OPCML: variants seen among roughly 807,000 people sequenced by gnomAD.
The protein encoded by OPCML is opioid-binding protein/cell adhesion molecule.
OPCML carries 13 observed loss-of-function variants against 37.8 expected under a neutral mutation model. The observed-to-expected ratio is 0.34, with a 90% CI of 0.22 to 0.55. The LOEUF (loss-of-function observed/expected upper bound fraction) is 0.55. Among genes scored for constraint, OPCML ranks in the 20% least tolerant of loss-of-function variants. OPCML has a pLI of 0.91. For synonymous variants in OPCML, 176 were observed against 168.8 expected (o/e 1.04, Z -0.33); for missense variants, 341 against 435.6 (o/e 0.78, Z 1.93).
intron 1 of OPCML, among the ~76,000 whole-genome samples, chr11:133,048,552 T>G (rs1479555472): frequency 6.6e-6 from 1 of 152,248 alleles, no homozygotes; most frequent in Admixed American, 6.5e-5. Context: ...ATTAATCTTG[T>G]GACTTTGTGT....
chr11:132,803,630 C>T (rs928645195), intron 2 of OPCML, among the ~76,000 whole-genome samples: 4 of 152,300 alleles, frequency 2.6e-5, no homozygotes, highest in Admixed American at 6.5e-5. Context: ...CACTAATGAG[C>T]GAGGATGTGC....
chr11:133,323,897 C>T (rs577217342), intron 1 of OPCML, among the ~76,000 whole-genome samples: 4 of 152,314 alleles, frequency 2.6e-5, no homozygotes, highest in African/African-American at 9.6e-5. Context: ...GGCTTGGTCT[C>T]TCCAATTCAG....
intron 1 of OPCML, among the ~76,000 whole-genome samples, chr11:133,030,126 T>C (rs752489234): frequency 6.6e-6 from 1 of 152,182 alleles, no homozygotes; most frequent in Non-Finnish European, 1.5e-5. Context: ...TCCCAGAAAC[T>C]GTTCCCTAGT....
chr11:132,603,631 A>C (rs1387858974), intron 3 of OPCML, among the ~76,000 whole-genome samples: 2 of 152,334 alleles, frequency 1.3e-5, no homozygotes, highest in South Asian at 4.1e-4. Context: ...CCCAGCTTAA[A>C]AACCTTTTGG....
intron 2 of OPCML, among the ~76,000 whole-genome samples, chr11:132,866,481 G>T (rs899211851): frequency 1.3e-5 from 2 of 152,198 alleles, no homozygotes; most frequent in Non-Finnish European, 2.9e-5. Flanking sequence ...TGGAAGTCTT[G>T]TTAGTTTTTT....
chr11:132,942,946 C>T lies in OPCML; in HGVS notation c.126G>A (p.Gln42=). The T allele has an allele frequency of 6.2e-7, 1 of 1,614,138 alleles. No individual in the cohort carries two copies. The highest frequency in any genetic ancestry group is 8.5e-7 in the Non-Finnish European group (1 of 1,179,992). The change falls in exon 2 of 8, where the codon CAG becomes CAA. Residue 42 remains glutamine, a synonymous_variant. Transcript: ENST00000524381. ...PKAMDNVTVR[Q]GESATLRCTI... ...CCTACCTGAGGGTGGCGCTCTCCCC[C>T]TGCCGGACCGTCACGTTGTCCATAG...
rs1040317930 is a variant in OPCML, at chr11:132,660,147, C to T, written c.147-2828G>A. ...TAGCTTTTAATAAGAGGGATAGGCC[C>T]CTTTTTTTAAATGCCGTAGATAAAT... is the stretch of plus-strand genomic sequence containing the variant. On this transcript the variant is annotated intron_variant, in intron 2 of 7. Coordinates refer to ENST00000524381, the MANE Select transcript of OPCML (RefSeq NM_001012393.5). 3.9e-5 allele frequency among the ~76,000 whole-genome samples: 6 copies of T among 152,088 alleles called. No individual in the cohort carries two copies. The East Asian group carries it at 5.8e-4, about 15-fold the overall frequency.
At chr11:132,888,368 C>T (rs996336874) in intron 2 of OPCML, among the ~76,000 whole-genome samples, 12 of 152,190 alleles carry the variant, frequency 7.9e-5, no homozygotes, top group Non-Finnish European at 1.5e-4. Flanking sequence ...AGAGGCTGTG[C>T]GCTGTCTCTG....
intron 1 of OPCML, among the ~76,000 whole-genome samples, chr11:133,428,742 T>C (rs148024402): frequency 3.7e-4 from 56 of 152,248 alleles, no homozygotes; most frequent in African/African-American, 1.3e-3. Context: ...GTGAATGATA[T>C]AAAGATATTA....
At chr11:133,198,817 G>A (rs1005663846) in intron 1 of OPCML, among the ~76,000 whole-genome samples, 1 of 152,234 alleles carries the variant, frequency 6.6e-6, no homozygotes, top group Non-Finnish European at 1.5e-5. Flanking sequence ...AATGCATGCT[G>A]TGGAGGCGTA....
At chr11:133,495,722 G>A (rs76860084) in intron 1 of OPCML, among the ~76,000 whole-genome samples, 21,252 of 151,664 alleles carry the variant, frequency 0.14, 2,218 homozygotes, top group African/African-American at 0.3. Context: ...TTGTCTATTC[G>A]TATCCTTAAC....
chr11:133,291,884 C>T (rs1942487879), intron 1 of OPCML, among the ~76,000 whole-genome samples: 1 of 152,236 alleles, frequency 6.6e-6, no homozygotes, highest in African/African-American at 2.4e-5. Context: ...CACCCCAGGG[C>T]CTGTGGCCGG....
chr11:132,590,542 C>T (rs1382878266), intron 3 of OPCML, among the ~76,000 whole-genome samples: 4 of 152,130 alleles, frequency 2.6e-5, no homozygotes, highest in Non-Finnish European at 2.9e-5. Context: ...TTTCCATGGA[C>T]GGTTTTATTT....
intron 1 of OPCML, among the ~76,000 whole-genome samples, chr11:133,083,254 G>A (rs1037204826): frequency 1.1e-4 from 17 of 152,224 alleles, no homozygotes; most frequent in African/African-American, 3.4e-4. Context: ...CGGGAGCCGC[G>A]GGCTTTGCCT....
chr11:133,231,517 C>G (rs1360671607), intron 1 of OPCML, among the ~76,000 whole-genome samples: 25 of 152,176 alleles, frequency 1.6e-4, no homozygotes. Context: ...CAGAGCTCTC[C>G]TGAGATCCCA....
At chr11:133,129,241 A>T (rs1208203212) in intron 1 of OPCML, among the ~76,000 whole-genome samples, 1 of 152,114 alleles carries the variant, frequency 6.6e-6, no homozygotes, top group African/African-American at 2.4e-5. Context: ...AACTCCTCCC[A>T]AGTACTCAGT....
chr11:132,444,356 T>C (rs2136798263), intron 4 of OPCML, among the ~76,000 whole-genome samples: 1 of 152,276 alleles, frequency 6.6e-6, no homozygotes, highest in South Asian at 2.1e-4. Context: ...GGCATCCTTC[T>C]CCATCACATA....
chr11:133,106,696 C>T (rs1592006798), intron 1 of OPCML, among the ~76,000 whole-genome samples: 1 of 152,178 alleles, frequency 6.6e-6, no homozygotes, highest in African/African-American at 2.4e-5. Flanking sequence ...CAGGACCAGA[C>T]AATAGAGCAC....
Position 133,254,879 on chromosome 11 carries a change from A to G in OPCML, c.61+277385T>C, listed in dbSNP as rs527453420. 2.6e-5 allele frequency among the ~76,000 whole-genome samples: 4 copies of G among 152,210 alleles called. No individual in the cohort carries two copies. In the South Asian group the frequency reaches 8.3e-4, roughly 32 times the overall value. On this transcript the variant is annotated intron_variant, in intron 1 of 7. Coordinates refer to ENST00000524381, the MANE Select transcript of OPCML (RefSeq NM_001012393.5). ...TCATGAGAAACGTTAAATTAAATGT[A>G]GGTTTGACAAGCCCATTAAATACAA... is the stretch of plus-strand genomic sequence containing the variant.
Sources: allele counts gnomAD v4.1 joint callset (sites outside exome capture counted in the v4.1 genomes callset), GRCh38; gene constraint gnomAD v4.1.1; transcripts MANE v1.5; gene names NCBI Gene and HGNC (gene_info 2026-07-23, HGNC 2026-07-21).